The following DNAH6 variants were observed in gnomAD, a reference collection of about 807,000 sequenced individuals.
The protein encoded by DNAH6 is axonemal beta dynein heavy chain 6.
Under a neutral mutation model 491.4 loss-of-function variants are expected in DNAH6, and 340 were observed. The observed-to-expected ratio is 0.69, with a 90% confidence interval of 0.63 to 0.76. The LOEUF (loss-of-function observed/expected upper bound fraction) is 0.76, where lower values mean the gene tolerates loss of function less well. DNAH6 is among the 30% of genes least tolerant of loss of function. The pLI, the probability that DNAH6 is intolerant of heterozygous loss-of-function variation, is 0.00. For missense variants in DNAH6, 4,443 were observed against 4,972.2 expected, an observed-to-expected ratio of 0.89 and a Z score of 3.20; for synonymous variants, 1,603 against 1,686.1, an observed-to-expected ratio of 0.95 and a Z score of 1.21.
intron 4 of DNAH6, among the ~76,000 whole-genome samples, chr2:84,533,383 A>C (rs1032251778): frequency 6.6e-6 from 1 of 152,042 alleles, no homozygotes; most frequent in African/African-American, 2.4e-5. Flanking sequence ...ACTAATAAAG[A>C]CCATTTCTAT....
chr2:84,762,901 G>T lies in DNAH6; in HGVS notation c.10659G>T (p.Met3553Ile). Reference sequence around the variant, plus strand: ...TCCTAAGCACAGGCTCAGATCCCATGGGTGCATTTCAGAGGTTTGCCAGGG... The same window carrying T: ...TCCTAAGCACAGGCTCAGATCCCATTGGTGCATTTCAGAGGTTTGCCAGGG... ...VFILSTGSDP[M>I]GAFQRFARES... The change falls in exon 64 of 77, where the codon ATG becomes ATT. Residue 3553 changes from methionine to isoleucine, a missense_variant. This residue lies in a region of DNAH6 where 1,463 missense variants were observed against 1,656.6 expected (regional missense o/e 0.88). Coordinates refer to ENST00000389394, the MANE Select transcript of DNAH6 (RefSeq NM_001370.2). 6.4e-7 allele frequency: 1 copy of T among 1,551,530 alleles called. No individual in the cohort carries two copies. The highest frequency in any genetic ancestry group is 8.7e-7 in the Non-Finnish European group (1 of 1,146,846).
At chr2:84,808,023 C>T (rs1430486538) in intron 71 of DNAH6, among the ~76,000 whole-genome samples, 2 of 152,058 alleles carry the variant, frequency 1.3e-5, no homozygotes, top group African/African-American at 4.8e-5. Flanking sequence ...GGCCATAGAT[C>T]ACATAGCTCA....
chr2:84,743,714 C>T (rs1672717913), intron 62 of DNAH6, among the ~76,000 whole-genome samples: 1 of 152,062 alleles, frequency 6.6e-6, no homozygotes, highest in African/African-American at 2.4e-5. Context: ...CCCAGCTATT[C>T]AGGAGGCTGA....
chr2:84,661,541 C>T (rs1045400798), intron 37 of DNAH6, among the ~76,000 whole-genome samples: 1 of 151,956 alleles, frequency 6.6e-6, no homozygotes. Context: ...GAAAGAATAC[C>T]ATTTATATAA....
chr2:84,783,425 CCTT>C (rs750864709), intron 65 of DNAH6, among the ~76,000 whole-genome samples: 3 of 152,332 alleles, frequency 2.0e-5, no homozygotes, highest in East Asian at 3.9e-4. Flanking sequence ...CCAAACCTGG[CCTT>C]CTTCTTTCTT....
At chr2:84,687,697 G>A (rs1038606938) in intron 44 of DNAH6, among the ~76,000 whole-genome samples, 11 of 152,216 alleles carry the variant, frequency 7.2e-5, no homozygotes, top group African/African-American at 1.7e-4. Flanking sequence ...AACATTCCAG[G>A]AGAAAGTGCC....
At chr2:84,711,901 G>A (rs1697079795) in intron 56 of DNAH6, among the ~76,000 whole-genome samples, 2 of 152,236 alleles carry the variant, frequency 1.3e-5, no homozygotes. Flanking sequence ...TTTACTTTAT[G>A]ACACGAGAGA....
intron 22 of DNAH6, among the ~76,000 whole-genome samples, chr2:84,615,111 C>T (rs936470612): frequency 1.1e-4 from 17 of 152,100 alleles, no homozygotes; most frequent in African/African-American, 3.9e-4. Context: ...GAAGTTCTTG[C>T]GTAAGCCAAT....
At chr2:84,665,349 C>A (rs1473529563) in intron 37 of DNAH6, among the ~76,000 whole-genome samples, 1 of 151,920 alleles carries the variant, frequency 6.6e-6, no homozygotes, top group Non-Finnish European at 1.5e-5. Flanking sequence ...TGATAGACCA[C>A]TAGCAAGACT....
At chr2:84,768,453 T>C (rs1222163970) in intron 64 of DNAH6, among the ~76,000 whole-genome samples, 1 of 151,780 alleles carries the variant, frequency 6.6e-6, no homozygotes, top group Non-Finnish European at 1.5e-5. Context: ...CTTTTGCCAA[T>C]GAATTTGAAA....
At chr2:84,768,823 C>T (rs1675338496) in intron 64 of DNAH6, among the ~76,000 whole-genome samples, 1 of 152,128 alleles carries the variant, frequency 6.6e-6, no homozygotes, top group Non-Finnish European at 1.5e-5. Context: ...TGGAAATTGA[C>T]AAGATACTTC....
At chr2:84,511,476 C>T (rs373946338), upstream of DNAH6, among the ~76,000 whole-genome samples, 28 of 152,274 alleles carry the variant, frequency 1.8e-4, no homozygotes, top group African/African-American at 6.7e-4. Flanking sequence ...TCCATCACCC[C>T]TTTCTTTGAC....
At chr2:84,611,258 T>C (rs1017324143) in intron 21 of DNAH6, among the ~76,000 whole-genome samples, 4 of 152,088 alleles carry the variant, frequency 2.6e-5, no homozygotes, top group Admixed American at 6.6e-5. Context: ...TAAAGAAAGG[T>C]GAATGAAAAA....
intron 41 of DNAH6, among the ~76,000 whole-genome samples, chr2:84,677,725 G>C (rs1370364269): frequency 1.3e-5 from 2 of 152,186 alleles, no homozygotes; most frequent in Admixed American, 1.3e-4. Context: ...GCATTATTTT[G>C]AGTAGAACAG....
chr2:84,600,737 T>C (rs1202550663), intron 18 of DNAH6, among the ~76,000 whole-genome samples: 2 of 151,996 alleles, frequency 1.3e-5, no homozygotes, highest in Admixed American at 1.3e-4. Context: ...ACTGATGGTG[T>C]TCAGCTTGAC....
intron 2 of DNAH6, among the ~76,000 whole-genome samples, chr2:84,524,973 A>T (rs1313990068): frequency 6.6e-6 from 1 of 152,086 alleles, no homozygotes; most frequent in East Asian, 1.9e-4. Context: ...TCCTTTACTT[A>T]ATCTCAAGCC....
chr2:84,805,120 A>C (rs929586478), intron 70 of DNAH6, among the ~76,000 whole-genome samples: 1 of 152,228 alleles, frequency 6.6e-6, no homozygotes, highest in African/African-American at 2.4e-5. Flanking sequence ...GGCATGAGCC[A>C]CTGGGCCTGG....
At chr2:84,662,870 C>A (rs954589168) in intron 37 of DNAH6, among the ~76,000 whole-genome samples, 11 of 152,170 alleles carry the variant, frequency 7.2e-5, no homozygotes, top group Non-Finnish European at 1.3e-4. Context: ...GGCCGACTGA[C>A]AGCTCATACA....
chr2:84,609,748 A>G (rs1000450427), intron 21 of DNAH6, among the ~76,000 whole-genome samples: 3 of 152,094 alleles, frequency 2.0e-5, no homozygotes, highest in Non-Finnish European at 4.4e-5. Flanking sequence ...GGTAATTGTA[A>G]TAATTTTGAC....
Sources: allele counts gnomAD v4.1 joint callset (sites outside exome capture counted in the v4.1 genomes callset), GRCh38; gene constraint gnomAD v4.1.1; regional missense constraint gnomAD v4.1.1; transcripts MANE v1.5; gene names NCBI Gene and HGNC (gene_info 2026-07-23, HGNC 2026-07-21).